Variants in ZDHHC18 observed in about 807,000 individuals in gnomAD.
The protein encoded by ZDHHC18 is zDHHC palmitoyltransferase 18, also known as palmitoyltransferase ZDHHC18.
In ZDHHC18, 23 loss-of-function variants were observed where a neutral mutation model predicts 37.5. The observed-to-expected ratio is 0.61, with a 90% CI of 0.44 to 0.87. The LOEUF (loss-of-function observed/expected upper bound fraction) is 0.87, where lower values mean the gene tolerates loss of function less well. Among genes scored for constraint, ZDHHC18 ranks in the 40% least tolerant of loss-of-function variants. The pLI, the probability that ZDHHC18 is intolerant of heterozygous loss-of-function variation, is 0.00. For synonymous variants in ZDHHC18, 185 were observed against 218.7 expected (o/e 0.85, Z 1.36); for missense variants, 406 against 525.6 (o/e 0.77, Z 2.22).
chr1:26,835,883 C>G (rs1000683191), intron 2 of ZDHHC18, among the ~76,000 whole-genome samples: 4 of 152,124 alleles, frequency 2.6e-5, no homozygotes, highest in African/African-American at 9.7e-5. Context: ...CACCCCAGCC[C>G]AGCAACTCCA....
At chr1:26,846,968 T>C (rs968623358) in intron 2 of ZDHHC18, among the ~76,000 whole-genome samples, 3 of 151,736 alleles carry the variant, frequency 2.0e-5, no homozygotes, top group African/African-American at 7.3e-5. Flanking sequence ...TGATCTCGGC[T>C]CACTGCAAGC....
At chr1:26,833,707 A>G (rs1237420085) in intron 2 of ZDHHC18, among the ~76,000 whole-genome samples, 3 of 152,014 alleles carry the variant, frequency 2.0e-5, no homozygotes, top group Non-Finnish European at 4.4e-5. Context: ...TGACGTGGCT[A>G]CTTGCACACC....
intron 1 of ZDHHC18, 90 bp downstream of exon 1, chr1:26,827,229 T>C: frequency 9.1e-7 from 1 of 1,102,674 alleles, no homozygotes; most frequent in Non-Finnish European, 1.2e-6. Context: ...GCCTTCCCCT[T>C]CGCCTCCCTG....
chr1:26,852,634 C>A, intron 6 of ZDHHC18, 119 bp from the exon 7 acceptor site: 1 of 772,806 alleles, frequency 1.3e-6, no homozygotes, highest in Non-Finnish European at 2.1e-6. Flanking sequence ...AAAGACATGT[C>A]GCCTTCTGTA....
At chr1:26,838,566 ATTATG>A (rs1289782917) in intron 2 of ZDHHC18, among the ~76,000 whole-genome samples, 8 of 152,330 alleles carry the variant, frequency 5.3e-5, no homozygotes, top group African/African-American at 1.7e-4. Flanking sequence ...AGATCTTGAT[ATTATG>A]TTATTTCTGA....
Position 26,826,948 on chromosome 1 carries a change from GAGCAGCAGCGGC to G in ZDHHC18, c.148_159del (p.Ser50_Ser53del), listed in dbSNP as rs2081560003. 3 of 1,183,288 alleles carry G rather than the reference GAGCAGCAGCGGC, an allele frequency of 2.5e-6. No homozygotes were observed. The highest frequency in any genetic ancestry group is 3.1e-6 in the Non-Finnish European group (3 of 957,262). 73.3% of individuals were successfully genotyped at this position (1,183,288 alleles called of 1,614,324 possible). ...CCGCCGCCCCCGCCCCGCCGCGCTG[GAGCAGCAGCGGC>G]AGCGGCAGCGGCAGCGGGAGCGGGA... On this transcript the variant is annotated inframe_deletion, in exon 1 of 8. Transcript: ENST00000374142. The surrounding 1 kb of genome is among the most constrained non-coding windows in gnomAD (Gnocchi z 5.2).
In ZDHHC18 at chr1:26,854,123, T is replaced by G. The variant is rs1267226405; in HGVS notation, c.*280T>G. 1 of 409,178 alleles carries G rather than the reference T, an allele frequency of 2.4e-6. No homozygotes were observed. Among genetic ancestry groups the G allele is most frequent in the Non-Finnish European group, 4.5e-6 (1 of 221,266 alleles). The allele number at this position is 409,178 out of a possible 1,614,324, so 25.3% of individuals were successfully genotyped here. A position where few individuals can be genotyped will look rare whatever the true frequency, so the allele number is the denominator to read the frequency against. On this transcript the variant is annotated 3_prime_UTR_variant, in exon 8 of 8. Coordinates refer to ENST00000374142, the MANE Select transcript of ZDHHC18 (RefSeq NM_032283.3). This position sits in a 1 kb window ranked among gnomAD's most constrained non-coding sequence, Gnocchi z 4.6. The stretch of plus-strand genomic sequence containing the variant: ...TACCCAGGGGACCACACCAAGTCCT[T>G]GCCTGTGCCGGGCGAGCCCTGTGTG...
At position 26,846,288 on chromosome 1, in the gene ZDHHC18, G is replaced by A. The variant is rs1184546995; in HGVS notation, c.497-2320G>A. 1.9e-3 allele frequency among the ~76,000 whole-genome samples: 99 copies of A among 53,156 alleles called. 3 individuals carry two copies. The highest frequency in any genetic ancestry group is 8.2e-3 in the African/African-American group (83 of 10,126). 34.9% of individuals were successfully genotyped at this position (53,156 alleles called of 152,430 possible). ...TAGAGATATATGTGTGTGTGTGTGTGTGTATATATATATATATATATATTT... is the reference window on the plus strand; with the variant it reads ...TAGAGATATATGTGTGTGTGTGTGTATGTATATATATATATATATATATTT... On this transcript the variant is annotated intron_variant, in intron 2 of 7. Transcript: ENST00000374142.
At position 26,833,484 on chromosome 1, in the gene ZDHHC18, AC is replaced by A. The variant is rs577241105; in HGVS notation, c.496+878del. Among the ~76,000 whole-genome samples the A allele has an allele frequency of 3.0e-3, 464 of 152,226 alleles. 2 individuals carry two copies. Among genetic ancestry groups the A allele is most frequent in the Non-Finnish European group, 4.8e-3 (324 of 67,986 alleles). ...CACTGGAGATGAGTGTGGTAGAAAT[AC>A]GGGGATCTGGGAAAAGTAAGGCCAA... On this transcript the variant is annotated intron_variant, in intron 2 of 7. Transcript: ENST00000374142.
At chr1:26,846,320 T>TC in intron 2 of ZDHHC18, among the ~76,000 whole-genome samples, 1 of 75,538 alleles carries the variant, frequency 1.3e-5, no homozygotes, top group African/African-American at 5.4e-5. Context: ...ATTTTTTTTT[T>TC]TTTTTTTTTT....
At chr1:26,832,393 T>G in intron 1 of ZDHHC18, 54 bp from the exon 2 acceptor site, 1 of 1,604,140 alleles carries the variant, frequency 6.2e-7, no homozygotes, top group Non-Finnish European at 8.5e-7. Flanking sequence ...TGTAGCCCTG[T>G]GCCGCAGGGA....
rs924590932 is a variant in ZDHHC18, at chr1:26,855,792, A to G, written c.*1949A>G. 1 of 155,304 alleles carries G rather than the reference A, an allele frequency of 6.4e-6. No individual in the cohort carries two copies. The highest frequency in any genetic ancestry group is 2.4e-5 in the African/African-American group (1 of 41,562). 9.6% of individuals were successfully genotyped at this position (155,304 alleles called of 1,614,324 possible). The stretch of plus-strand genomic sequence containing the variant: ...CCAACTGGGAGCCCTCTGTTCTTTC[A>G]GACAAATTTGGTTCTTTCCTGGGGA... On this transcript the variant is annotated 3_prime_UTR_variant, in exon 8 of 8. Transcript: ENST00000374142.
At chr1:26,846,272 A>ATGTGTGTGTGTGTGTG (rs1233342256) in intron 2 of ZDHHC18, among the ~76,000 whole-genome samples, 57 of 84,930 alleles carry the variant, frequency 6.7e-4, no homozygotes, top group Non-Finnish European at 1.0e-3. Context: ...ATAGAGATAT[A>ATGTGTGTGTGTGTGTG]TGTGTGTGTG....
At chr1:26,841,426 G>C (rs1439367734) in intron 2 of ZDHHC18, among the ~76,000 whole-genome samples, 1 of 152,204 alleles carries the variant, frequency 6.6e-6, no homozygotes, top group Non-Finnish European at 1.5e-5. Flanking sequence ...GAGCCACTAT[G>C]CTTGGCCTTC....
chr1:26,837,459 TA>T (rs1483483457), intron 2 of ZDHHC18, among the ~76,000 whole-genome samples: 70 of 143,804 alleles, frequency 4.9e-4, no homozygotes, highest in African/African-American at 1.7e-3. Flanking sequence ...ATATTATGTA[TA>T]TTATTTATTT....
At chr1:26,846,214 A>ATATGTG (rs1444861975) in intron 2 of ZDHHC18, among the ~76,000 whole-genome samples, 12 of 9,266 alleles carry the variant, frequency 1.3e-3, no homozygotes, top group African/African-American at 8.3e-3. Context: ...ACACGTATAT[A>ATATGTG]CATATATATG....
At position 26,850,728 on chromosome 1, in the gene ZDHHC18, CCAACATGCCAGCT is replaced by C; in HGVS notation, c.833+124_833+136del. On this transcript the variant is annotated intron_variant, in intron 5 of 7. Coordinates refer to ENST00000374142, the MANE Select transcript of ZDHHC18 (RefSeq NM_032283.3). The surrounding 1 kb of genome is among the most constrained non-coding windows in gnomAD (Gnocchi z 6.1). Reference sequence around the variant, plus strand: ...ACAGCTCACATGTGTCCTCCAGAATCCAACATGCCAGCTCTTCTGTTCACACCCAGGCAAGAGC... The same window carrying C: ...ACAGCTCACATGTGTCCTCCAGAATCCTTCTGTTCACACCCAGGCAAGAGC... 1 of 1,163,626 alleles carries C rather than the reference CCAACATGCCAGCT, an allele frequency of 8.6e-7. No individual in the cohort carries two copies. The highest frequency in any genetic ancestry group is 1.2e-6 in the Non-Finnish European group (1 of 807,232). The allele number at this position is 1,163,626 out of a possible 1,614,324, so 72.1% of individuals were successfully genotyped here.
At chr1:26,829,966 A>G (rs2081580440) in intron 1 of ZDHHC18, among the ~76,000 whole-genome samples, 1 of 152,224 alleles carries the variant, frequency 6.6e-6, no homozygotes, top group South Asian at 2.1e-4. Flanking sequence ...ATTCATTGCC[A>G]TGTGGGTGAC....
intron 2 of ZDHHC18, among the ~76,000 whole-genome samples, chr1:26,833,314 G>A (rs1432130395): frequency 3.3e-5 from 5 of 152,180 alleles, no homozygotes; most frequent in Non-Finnish European, 7.3e-5. Context: ...AACATCTTGT[G>A]AAGGAGGTGA....
Sources: gnomAD v4.1 joint callset for allele counts (sites outside exome capture counted in the v4.1 genomes callset) on GRCh38, gnomAD v4.1.1 for gene constraint, Gnocchi (gnomAD v3.1) non-coding constraint, MANE v1.5 for transcripts, NCBI Gene and HGNC (gene_info 2026-07-23, HGNC 2026-07-21) for gene names.